CDH11: variants seen among roughly 807,000 people sequenced by gnomAD.
CDH11 encodes cadherin-11.
In CDH11, 11 loss-of-function variants were observed where a neutral mutation model predicts 67.8. The observed-to-expected ratio is 0.16, with a 90% confidence interval of 0.10 to 0.27. The LOEUF is 0.27. Among genes scored for constraint, CDH11 ranks in the 10% least tolerant of loss-of-function variants. The probability of loss-of-function intolerance (pLI) is 1.00; values close to 1 mark genes in which losing one functional copy is unlikely to be tolerated. For synonymous variants in CDH11, 419 were observed against 400.0 expected (o/e 1.05, Z -0.57); for missense variants, 847 against 1,031.2 (o/e 0.82, Z 2.45).
intron 2 of CDH11, among the ~76,000 whole-genome samples, chr16:65,008,890 C>G (rs1377994024): frequency 6.6e-6 from 1 of 152,076 alleles, no homozygotes; most frequent in Admixed American, 6.5e-5. Flanking sequence ...TTAAAATTTA[C>G]CGGGTGTTAT....
At chr16:65,116,755 TAGAGAG>T (rs71828602) in intron 1 of CDH11, among the ~76,000 whole-genome samples, 5 of 150,172 alleles carry the variant, frequency 3.3e-5, no homozygotes, top group Non-Finnish European at 7.4e-5. Flanking sequence ...TTAATAAGGA[TAGAGAG>T]AGAGAGAGAG....
intron 5 of CDH11, 69 bp downstream of exon 5, chr16:64,992,846 T>G: frequency 6.8e-7 from 1 of 1,461,984 alleles, no homozygotes; most frequent in Non-Finnish European, 9.5e-7. Flanking sequence ...GAGTATTAAA[T>G]AAGTTCTGGT....
intron 4 of CDH11, among the ~76,000 whole-genome samples, chr16:64,995,922 A>G: frequency 6.6e-6 from 1 of 152,208 alleles, no homozygotes; most frequent in East Asian, 1.9e-4. Flanking sequence ...TGTGGGCAAA[A>G]GTGGGCAAAA....
chr16:65,007,466 T>C (rs2073084242), intron 2 of CDH11, among the ~76,000 whole-genome samples: 1 of 152,172 alleles, frequency 6.6e-6, no homozygotes, highest in South Asian at 2.1e-4. Context: ...ACTTTAATAA[T>C]ACATCAGATG....
rs142105045 is a variant in CDH11 at position 65,035,635 on chromosome 16, AC to A, written c.-173+18168del. Among the ~76,000 whole-genome samples the A allele has an allele frequency of 5.6e-3, 846 of 152,336 alleles. 10 individuals are homozygous for A. The highest frequency in any genetic ancestry group is 0.019 in the African/African-American group (784 of 41,578). On this transcript the variant is annotated intron_variant, in intron 2 of 12. Coordinates refer to ENST00000268603, the MANE Select transcript of CDH11 (RefSeq NM_001797.4). The stretch of plus-strand genomic sequence containing the variant: ...TAATTTCCCACAATGTTTATGGAAT[AC>A]CTGGAGTAGAGCAATCACAATAATA...
At chr16:64,960,102 G>A (rs2071632200) in intron 11 of CDH11, among the ~76,000 whole-genome samples, 1 of 152,068 alleles carries the variant, frequency 6.6e-6, no homozygotes, top group South Asian at 2.1e-4. Flanking sequence ...TACATTAGAG[G>A]GTCATCTCAT....
chr16:64,971,138 C>T (rs931331324), intron 11 of CDH11, among the ~76,000 whole-genome samples: 2 of 152,134 alleles, frequency 1.3e-5, no homozygotes, highest in South Asian at 4.1e-4. Context: ...AGCTCTGTAC[C>T]CAGCCACACT....
intron 1 of CDH11, among the ~76,000 whole-genome samples, chr16:65,092,292 A>T (rs2074805289): frequency 6.6e-6 from 1 of 152,196 alleles, no homozygotes; most frequent in Admixed American, 6.5e-5. Flanking sequence ...GTTTTAACTA[A>T]AAATGACAGA....
At chr16:65,023,739 T>C (rs1455116511) in intron 2 of CDH11, among the ~76,000 whole-genome samples, 3 of 152,196 alleles carry the variant, frequency 2.0e-5, no homozygotes, top group African/African-American at 7.2e-5. Context: ...TAAACTGTCA[T>C]GGCACTGGTG....
At chr16:65,032,980 A>G (rs1479501512) in intron 2 of CDH11, among the ~76,000 whole-genome samples, 1 of 152,206 alleles carries the variant, frequency 6.6e-6, no homozygotes, top group East Asian at 1.9e-4. Context: ...TCCTCAGACC[A>G]ATCAAGTTTG....
At chr16:65,060,486 T>A (rs1319838278) in intron 1 of CDH11, among the ~76,000 whole-genome samples, 1 of 151,778 alleles carries the variant, frequency 6.6e-6, no homozygotes, top group Non-Finnish European at 1.5e-5. Context: ...CTTTTTAAAC[T>A]TTTTTTTAGG....
At chr16:65,122,705 G>A (rs1597222801), upstream of CDH11, among the ~76,000 whole-genome samples, 1 of 152,182 alleles carries the variant, frequency 6.6e-6, no homozygotes, top group Non-Finnish European at 1.5e-5. Context: ...GTGAAGTCGG[G>A]CGGGGAGGGA....
chr16:65,051,889 T>A (rs1468908869), intron 2 of CDH11, among the ~76,000 whole-genome samples: 2 of 152,198 alleles, frequency 1.3e-5, no homozygotes, highest in Non-Finnish European at 2.9e-5. Flanking sequence ...CTTTCATTTA[T>A]AAACTACCAG....
intron 1 of CDH11, among the ~76,000 whole-genome samples, chr16:65,078,393 T>C (rs541874966): frequency 6.6e-6 from 1 of 152,298 alleles, no homozygotes; most frequent in East Asian, 1.9e-4. Flanking sequence ...CAGGCATATG[T>C]GATATCCCCG....
chr16:65,023,728 G>A (rs1178167996), intron 2 of CDH11, among the ~76,000 whole-genome samples: 4 of 152,168 alleles, frequency 2.6e-5, no homozygotes, highest in Non-Finnish European at 5.9e-5. Context: ...TATGCCATTT[G>A]TAAACTGTCA....
chr16:64,984,220 C>T (rs2072427008), intron 7 of CDH11, among the ~76,000 whole-genome samples: 1 of 152,188 alleles, frequency 6.6e-6, no homozygotes. Flanking sequence ...ATTTCCCTCC[C>T]CAGCGAGGTG....
At position 65,065,130 on chromosome 16, in the gene CDH11, A is replaced by C. The variant is rs74682707; in HGVS notation, c.-297-11202T>G. Among the ~76,000 whole-genome samples, 664 of 152,288 alleles carry C rather than the reference A, an allele frequency of 4.4e-3. 4 individuals are homozygous for C. The highest frequency in any genetic ancestry group is 0.015 in the African/African-American group (626 of 41,568). On this transcript the variant is annotated intron_variant, in intron 1 of 12. Coordinates refer to ENST00000268603, the MANE Select transcript of CDH11 (RefSeq NM_001797.4). ...GACAGAGAAGGAATTACAGGGAGAGACAAATGCCAGTTCCGACATGGTGGT... is the reference window on the plus strand; with the variant it reads ...GACAGAGAAGGAATTACAGGGAGAGCCAAATGCCAGTTCCGACATGGTGGT...
intron 1 of CDH11, among the ~76,000 whole-genome samples, chr16:65,114,097 G>A (rs946432123): frequency 2.6e-5 from 4 of 152,140 alleles, no homozygotes; most frequent in African/African-American, 9.7e-5. Flanking sequence ...AAAATGGAGT[G>A]CTTTTAATGA....
chr16:65,027,417 G>A (rs147212936), intron 2 of CDH11, among the ~76,000 whole-genome samples: 1 of 152,318 alleles, frequency 6.6e-6, no homozygotes, highest in Non-Finnish European at 1.5e-5. Flanking sequence ...CCATTGACCA[G>A]TTGCATCTTG....
Sources: gnomAD v4.1 joint callset for allele counts (sites outside exome capture counted in the v4.1 genomes callset) on GRCh38, gnomAD v4.1.1 for gene constraint, MANE v1.5 for transcripts, NCBI Gene and HGNC (gene_info 2026-07-23, HGNC 2026-07-21) for gene names.